Variants in ZDHHC11B observed in about 807,000 individuals in gnomAD.
The protein encoded by ZDHHC11B is probable palmitoyltransferase ZDHHC11B.
A neutral mutation model predicts 42.3 loss-of-function variants in ZDHHC11B; 17 were observed. The ratio of observed to expected loss-of-function variants is 0.40; its 90% CI spans 0.27 to 0.60. The LOEUF is 0.60. Ranked by LOEUF, ZDHHC11B falls within the 20% of genes least tolerant of loss-of-function variation. The pLI is 0.41. For synonymous variants in ZDHHC11B, 123 were observed against 193.5 expected (o/e 0.64, Z 3.02); for missense variants, 262 against 463.2 (o/e 0.57, Z 3.99).
At chr5:718,244 G>A (rs1320506562) in intron 12 of ZDHHC11B, among the ~76,000 whole-genome samples, 2 of 151,748 alleles carry the variant, frequency 1.3e-5, no homozygotes, top group Admixed American at 6.6e-5. Context: ...TTTACCTAAG[G>A]ACAAAATGGT....
intron 12 of ZDHHC11B, among the ~76,000 whole-genome samples, chr5:717,792 G>T (rs1410713490): frequency 2.6e-5 from 4 of 151,782 alleles, no homozygotes; most frequent in African/African-American, 9.7e-5. Flanking sequence ...CCCAGGAATT[G>T]CCATGGAGGA....
chr5:758,644 A>G (rs374116665), intron 4 of ZDHHC11B, among the ~76,000 whole-genome samples: 6 of 151,850 alleles, frequency 4.0e-5, no homozygotes, highest in African/African-American at 1.4e-4. Flanking sequence ...GAAGGCGTCC[A>G]CCCAGAAACA....
chr5:720,059 G>A (rs574507240), intron 12 of ZDHHC11B, among the ~76,000 whole-genome samples: 36 of 151,872 alleles, frequency 2.4e-4, no homozygotes, highest in South Asian at 8.3e-4. Context: ...GAGAGTCTTG[G>A]AACGTATTCC....
Position 784,678 on chromosome 5 carries a change from C to T in ZDHHC11B, c.-240G>A, listed in dbSNP as rs2150254601. Among the ~76,000 whole-genome samples the T allele has an allele frequency of 6.6e-6, 1 of 150,584 alleles. No homozygotes were observed. Among genetic ancestry groups the T allele is most frequent in the African/African-American group, 2.4e-5 (1 of 41,160 alleles). On this transcript the variant is annotated 5_prime_UTR_variant, in exon 1 of 14. Coordinates refer to ENST00000508859, the MANE Select transcript of ZDHHC11B (RefSeq NM_001351303.2). ...CCCGCGCCCGCTTACCTTGGAGACG[C>T]AGCAACTGCAGCGGAGGCTCCCCCG...
At chr5:713,537 T>C (rs1286438818) in intron 13 of ZDHHC11B, among the ~76,000 whole-genome samples, 1 of 152,030 alleles carries the variant, frequency 6.6e-6, no homozygotes, top group Non-Finnish European at 1.5e-5. Flanking sequence ...TTCTTTGCTT[T>C]GTAGTTTTAT....
chr5:770,924 C>G (rs1412302276), intron 1 of ZDHHC11B, among the ~76,000 whole-genome samples: 1 of 151,960 alleles, frequency 6.6e-6, no homozygotes, highest in Non-Finnish European at 1.5e-5. Context: ...AGGGCTACGC[C>G]ACAGGGCAGG....
At chr5:775,991 A>C (rs1264612531) in intron 1 of ZDHHC11B, among the ~76,000 whole-genome samples, 1 of 147,358 alleles carries the variant, frequency 6.8e-6, no homozygotes, top group Non-Finnish European at 1.5e-5. Flanking sequence ...TCCTCTCTCC[A>C]TGGGCAGATT....
chr5:778,629 G>A (rs1179739275), intron 1 of ZDHHC11B, among the ~76,000 whole-genome samples: 1 of 152,150 alleles, frequency 6.6e-6, no homozygotes, highest in Non-Finnish European at 1.5e-5. Flanking sequence ...CTGGGACCAG[G>A]CCAGCTCTGG....
rs1357662778 is a variant in ZDHHC11B at position 752,032 on chromosome 5, C to T, written c.504-775G>A. ...CCTCTGCCCGCACCTCCCGACTCCA[C>T]CTGATGCAGACAGGCCTCCCTACCA... On this transcript the variant is annotated intron_variant, in intron 6 of 13. Transcript: ENST00000508859. Among the ~76,000 whole-genome samples, 4 of 124,314 alleles carry T rather than the reference C, an allele frequency of 3.2e-5. 1 individual carries two copies. Among genetic ancestry groups the T allele is most frequent in the Non-Finnish European group, 5.4e-5 (3 of 55,518 alleles). 81.6% of individuals were successfully genotyped at this position (124,314 alleles called of 152,430 possible).
At chr5:762,310 A>G (rs1328344452) in intron 4 of ZDHHC11B, among the ~76,000 whole-genome samples, 2 of 151,916 alleles carry the variant, frequency 1.3e-5, no homozygotes, top group Non-Finnish European at 2.9e-5. Context: ...ACAGCCCCAG[A>G]CAGCCACCTA....
chr5:769,995 G>A (rs1247197346), intron 1 of ZDHHC11B, among the ~76,000 whole-genome samples: 2 of 151,996 alleles, frequency 1.3e-5, no homozygotes, highest in Middle Eastern at 3.4e-3. Flanking sequence ...ACACCACTCG[G>A]TGCACATGTC....
chr5:747,152 G>A (rs1281438260), intron 8 of ZDHHC11B, among the ~76,000 whole-genome samples: 1 of 95,770 alleles, frequency 1.0e-5, no homozygotes, highest in East Asian at 3.2e-4. Context: ...TTTTGAAGGA[G>A]GCCCAAATGA....
At chr5:779,281 C>T (rs1170486844) in intron 1 of ZDHHC11B, among the ~76,000 whole-genome samples, 4 of 149,992 alleles carry the variant, frequency 2.7e-5, no homozygotes, top group African/African-American at 9.9e-5. Flanking sequence ...TTCTGGTCTC[C>T]AGGATGATGG....
rs1238912445 is a variant in ZDHHC11B, at chr5:753,413, C to T, written c.503+1585G>A. On this transcript the variant is annotated intron_variant, in intron 6 of 13. Coordinates refer to ENST00000508859, the MANE Select transcript of ZDHHC11B (RefSeq NM_001351303.2). ...CCCTGCTCTCCTGATGCCCCTTTCCCACACACAGGCGGTGTCTACACTTGG... is the reference window on the plus strand; with the variant it reads ...CCCTGCTCTCCTGATGCCCCTTTCCTACACACAGGCGGTGTCTACACTTGG... 6.1e-5 allele frequency among the ~76,000 whole-genome samples: 8 copies of T among 131,120 alleles called. 2 individuals are homozygous for T. Among genetic ancestry groups the T allele is most frequent in the Non-Finnish European group, 3.4e-5 (2 of 58,694 alleles). The allele number at this position is 131,120 out of a possible 152,430, so 86.0% of individuals were successfully genotyped here.
Position 777,826 on chromosome 5 carries a change from G to C in ZDHHC11B, c.-230+6842C>G, listed in dbSNP as rs896014015. ...CCCGCCAGTACTGCGCCACGCGCCC[G>C]CACTCCTCAGCCCTTGGGCGGTCCA... On this transcript the variant is annotated intron_variant, in intron 1 of 13. Coordinates refer to ENST00000508859, the MANE Select transcript of ZDHHC11B (RefSeq NM_001351303.2). Among the ~76,000 whole-genome samples the C allele has an allele frequency of 1.2e-3, 179 of 152,074 alleles. 8 individuals carry two copies. The highest frequency in any genetic ancestry group is 2.0e-3 in the Admixed American group (31 of 15,274).
At chr5:765,352 A>C (rs1735126357) in intron 4 of ZDHHC11B, among the ~76,000 whole-genome samples, 1 of 151,894 alleles carries the variant, frequency 6.6e-6, no homozygotes. Context: ...TTGTAAATAC[A>C]CCAATCAGCA....
chr5:717,199 G>C (rs913957730), intron 12 of ZDHHC11B, among the ~76,000 whole-genome samples: 1 of 151,320 alleles, frequency 6.6e-6, no homozygotes, highest in Admixed American at 6.6e-5. Flanking sequence ...GGGCCCACAG[G>C]AGGTCAGCTC....
At chr5:771,835 G>C (rs1314508494) in intron 1 of ZDHHC11B, among the ~76,000 whole-genome samples, 1 of 145,514 alleles carries the variant, frequency 6.9e-6, no homozygotes, top group African/African-American at 2.5e-5. Flanking sequence ...GGATGCGCCT[G>C]AACAGAGACC....
intron 8 of ZDHHC11B, chr5:747,394 A>G (rs1744970150): frequency 6.8e-6 from 1 of 146,982 alleles, no homozygotes. Context: ...TTTTCATTGC[A>G]CTTTCATTAA....
Sources: allele counts gnomAD v4.1 joint callset (sites outside exome capture counted in the v4.1 genomes callset), GRCh38; gene constraint gnomAD v4.1.1; transcripts MANE v1.5; gene names NCBI Gene and HGNC (gene_info 2026-07-23, HGNC 2026-07-21).